DLGAP1: variants seen among roughly 807,000 people sequenced by gnomAD.
DLGAP1 encodes disks large-associated protein 1.
A neutral mutation model predicts 90.8 loss-of-function variants in DLGAP1; 11 were observed. The ratio of observed to expected loss-of-function variants is 0.12; its 90% CI spans 0.08 to 0.20. The LOEUF (loss-of-function observed/expected upper bound fraction) is 0.20, where lower values mean the gene tolerates loss of function less well. DLGAP1 is among the 10% of genes least tolerant of loss of function. DLGAP1 has a pLI of 1.00. For synonymous variants in DLGAP1, 558 were observed against 540.7 expected, an observed-to-expected ratio of 1.03 and a Z score of -0.44; for missense variants, 1,050 against 1,333.8, an observed-to-expected ratio of 0.79 and a Z score of 3.31.
chr18:4,152,796 G>T (rs914039465), intron 1 of DLGAP1, among the ~76,000 whole-genome samples: 1 of 152,120 alleles, frequency 6.6e-6, no homozygotes, highest in African/African-American at 2.4e-5. Flanking sequence ...ATACTTTAAA[G>T]ATTATGAGCC....
At chr18:4,425,059 T>C (rs8083094) in intron 1 of DLGAP1, among the ~76,000 whole-genome samples, 134,649 of 134,950 alleles carry the variant, frequency 1, 67,176 homozygotes, top group Middle Eastern at 1. Context: ...CATTCCTTGG[T>C]GGGGCGGGGG....
At chr18:3,561,687 T>A (rs2054125531) in intron 9 of DLGAP1, among the ~76,000 whole-genome samples, 1 of 150,926 alleles carries the variant, frequency 6.6e-6, no homozygotes, top group African/African-American at 2.5e-5. Flanking sequence ...AATATTTCAC[T>A]CTGTTCTTGC....
At chr18:3,610,723 C>G (rs1460226126) in intron 7 of DLGAP1, among the ~76,000 whole-genome samples, 1 of 152,020 alleles carries the variant, frequency 6.6e-6, no homozygotes, top group Non-Finnish European at 1.5e-5. Flanking sequence ...CCTGTAATCC[C>G]AGCTACTTGG....
chr18:4,043,733 T>G (rs2075009432), intron 2 of DLGAP1, among the ~76,000 whole-genome samples: 1 of 152,178 alleles, frequency 6.6e-6, no homozygotes, highest in African/African-American at 2.4e-5. Context: ...TGTTTCCCTT[T>G]GTGTGTATCC....
rs566381195 is a variant in DLGAP1 at position 4,286,139 on chromosome 18, AC to A, written c.-266-134853del. On this transcript the variant is annotated intron_variant, in intron 1 of 12. Coordinates refer to ENST00000315677, the MANE Select transcript of DLGAP1 (RefSeq NM_004746.4). ...ACTCTGGGCAAAAGTGTTCACAGAT[AC>A]AATGTTGGGATCCAGAAGCCAAAAA... is the stretch of plus-strand genomic sequence containing the variant. Among the ~76,000 whole-genome samples, 24 of 152,316 alleles carry A rather than the reference AC, an allele frequency of 1.6e-4. No individual in the cohort carries two copies. In the East Asian group the frequency reaches 4.6e-3, roughly 29 times the overall value.
At chr18:3,980,238 G>C (rs1020660770) in intron 3 of DLGAP1, among the ~76,000 whole-genome samples, 2 of 152,170 alleles carry the variant, frequency 1.3e-5, no homozygotes, top group East Asian at 3.9e-4. Flanking sequence ...AGGCTGCAGG[G>C]GTCTGATCTC....
intron 2 of DLGAP1, among the ~76,000 whole-genome samples, chr18:4,099,290 GTCTATCATCTATCTATCTATCTA>G (rs2075735305): frequency 6.9e-6 from 1 of 145,612 alleles, no homozygotes; most frequent in East Asian, 2.1e-4. Flanking sequence ...CTATCTATCT[GTCTATCATCTATCTATCTATCTA>G]TCTATCTATC....
At chr18:3,765,288 G>A (rs1284916045) in intron 5 of DLGAP1, among the ~76,000 whole-genome samples, 5 of 150,616 alleles carry the variant, frequency 3.3e-5, no homozygotes, top group Non-Finnish European at 5.9e-5. Context: ...CCGCCACCAC[G>A]CCTGGCTAGT....
intron 2 of DLGAP1, among the ~76,000 whole-genome samples, chr18:4,029,853 A>G (rs1193579894): frequency 6.6e-6 from 1 of 152,104 alleles, no homozygotes; most frequent in Non-Finnish European, 1.5e-5. Flanking sequence ...CGATGGCCCT[A>G]TTTAACTTGG....
At chr18:3,582,982 T>C (rs2055617080) in intron 7 of DLGAP1, among the ~76,000 whole-genome samples, 1 of 151,964 alleles carries the variant, frequency 6.6e-6, no homozygotes. Context: ...TCTTGAACTC[T>C]GGGCTCAAGA....
chr18:3,593,133 C>T (rs2056377112), intron 7 of DLGAP1, among the ~76,000 whole-genome samples: 1 of 152,008 alleles, frequency 6.6e-6, no homozygotes, highest in African/African-American at 2.4e-5. Context: ...CCGCCCCCCG[C>T]CAGTAAACAC....
At chr18:4,062,613 G>C (rs955342769) in intron 2 of DLGAP1, among the ~76,000 whole-genome samples, 1 of 152,052 alleles carries the variant, frequency 6.6e-6, no homozygotes, top group East Asian at 1.9e-4. Flanking sequence ...AAACTTATAT[G>C]GCAAATAATT....
chr18:4,011,519 T>C (rs540816780), intron 2 of DLGAP1, among the ~76,000 whole-genome samples: 3 of 151,796 alleles, frequency 2.0e-5, no homozygotes, highest in Non-Finnish European at 4.4e-5. Flanking sequence ...GAGAGGGTGC[T>C]GATAACAGTC....
intron 3 of DLGAP1, among the ~76,000 whole-genome samples, chr18:3,993,380 T>A (rs2074006634): frequency 6.6e-6 from 1 of 152,198 alleles, no homozygotes; most frequent in African/African-American, 2.4e-5. Flanking sequence ...TCAATTGCTT[T>A]CTTACAGAGT....
intron 10 of DLGAP1, among the ~76,000 whole-genome samples, chr18:3,527,967 G>C (rs953629974): frequency 3.3e-5 from 5 of 152,126 alleles, no homozygotes; most frequent in Non-Finnish European, 7.3e-5. Flanking sequence ...CCATTCGGAG[G>C]CATTATGTAC....
intron 1 of DLGAP1, among the ~76,000 whole-genome samples, chr18:4,419,034 A>C (rs2082969345): frequency 6.6e-6 from 1 of 152,220 alleles, no homozygotes; most frequent in African/African-American, 2.4e-5. Context: ...ACTATAGCAG[A>C]CTTGTAGCTA....
intron 9 of DLGAP1, among the ~76,000 whole-genome samples, chr18:3,537,175 C>T (rs911035730): frequency 6.6e-6 from 1 of 152,142 alleles, no homozygotes; most frequent in Non-Finnish European, 1.5e-5. Context: ...ATTCACATTG[C>T]ATGTGCAACC....
intron 9 of DLGAP1, among the ~76,000 whole-genome samples, chr18:3,543,339 T>C (rs1301824998): frequency 6.6e-6 from 1 of 152,108 alleles, no homozygotes; most frequent in Non-Finnish European, 1.5e-5. Flanking sequence ...CCTGGCTATT[T>C]TTTTGTATTT....
At position 4,046,122 on chromosome 18, in the gene DLGAP1, G is replaced by A. The variant is rs1045200700; in HGVS notation, c.-158-40921C>T. 6.6e-5 allele frequency among the ~76,000 whole-genome samples: 10 copies of A among 152,246 alleles called. No homozygotes were observed. In the East Asian group the frequency reaches 1.2e-3, roughly 18 times the overall value. On this transcript the variant is annotated intron_variant, in intron 2 of 12. Coordinates refer to ENST00000315677, the MANE Select transcript of DLGAP1 (RefSeq NM_004746.4). ...GGCATTAACCTGCCAATTATACAAA[G>A]GGGCTAACCAGAACAGAACTGACCT...
Sources: allele counts gnomAD v4.1 joint callset (sites outside exome capture counted in the v4.1 genomes callset), GRCh38; gene constraint gnomAD v4.1.1; transcripts MANE v1.5; gene names NCBI Gene and HGNC (gene_info 2026-07-23, HGNC 2026-07-21).